TFEB: variants seen among roughly 807,000 people sequenced by gnomAD.
TFEB encodes the protein transcription factor EB.
Under a neutral mutation model 48.0 loss-of-function variants are expected in TFEB, and 12 were observed. The observed-to-expected ratio is 0.25, with a 90% CI of 0.16 to 0.40. The LOEUF is 0.40. Ranked by LOEUF, TFEB falls within the 10% of genes least tolerant of loss-of-function variation. TFEB has a pLI of 1.00. For synonymous variants in TFEB, 244 were observed against 261.4 expected (o/e 0.93, Z 0.64); for missense variants, 509 against 640.3 (o/e 0.79, Z 2.21).
chr6:41,714,632 C>T (rs920563716), intron 1 of TFEB, among the ~76,000 whole-genome samples: 1 of 152,196 alleles, frequency 6.6e-6, no homozygotes, highest in African/African-American at 2.4e-5. Flanking sequence ...CCCATATCAC[C>T]CCTCCCTCCT....
At chr6:41,702,204 T>C (rs1769968919) in intron 1 of TFEB, among the ~76,000 whole-genome samples, 1 of 152,074 alleles carries the variant, frequency 6.6e-6, no homozygotes, top group African/African-American at 2.4e-5. Context: ...GCCTGCATGC[T>C]CCTCAGCCCT....
At position 41,730,017 on chromosome 6, in the gene TFEB, G is replaced by A. The variant is rs114420157; in HGVS notation, c.-23+5333C>T. Among the ~76,000 whole-genome samples the A allele has an allele frequency of 7.6e-3, 1,151 of 152,262 alleles. 17 individuals are homozygous for A. Among genetic ancestry groups the A allele is most frequent in the African/African-American group, 0.026 (1,083 of 41,538 alleles). The stretch of plus-strand genomic sequence containing the variant: ...ACCACATGGAATTTGCAGAAACACC[G>A]GGAGGGGCCCAGCATCTGTGTTTAA... On this transcript the variant is annotated intron_variant, in intron 1 of 8. Coordinates refer to ENST00000373033, the MANE Select transcript of TFEB (RefSeq NM_001271944.2). The surrounding 1 kb of genome is among the most constrained non-coding windows in gnomAD (Gnocchi z 4.1).
chr6:41,726,500 T>C (rs1185753397), intron 1 of TFEB, among the ~76,000 whole-genome samples: 2 of 152,066 alleles, frequency 1.3e-5, no homozygotes, highest in East Asian at 3.9e-4. Flanking sequence ...CTGGAGTGCA[T>C]TGATACGATC....
At chr6:41,704,497 T>G (rs956363539) in intron 1 of TFEB, among the ~76,000 whole-genome samples, 4 of 152,278 alleles carry the variant, frequency 2.6e-5, no homozygotes, top group Middle Eastern at 6.8e-3. Context: ...CCTGCCTGGG[T>G]GACCACCAGC....
chr6:41,723,837 C>A lies in TFEB; in HGVS notation c.-23+11513G>T. On this transcript the variant is annotated intron_variant, in intron 1 of 8. Transcript: ENST00000373033. This position sits in a 1 kb window ranked among gnomAD's most constrained non-coding sequence, Gnocchi z 6.0. ...GACCCCAGCCTGACCTCAGAGGGCC[C>A]TAGGCAGATGGAGAGACACAGAGCA... 1 of 453,186 alleles carries A rather than the reference C, an allele frequency of 2.2e-6. No individual in the cohort carries two copies. The highest frequency in any genetic ancestry group is 2.0e-5 in the African/African-American group (1 of 50,148). 28.1% of individuals were successfully genotyped at this position (453,186 alleles called of 1,614,324 possible). A position where few individuals can be genotyped will look rare whatever the true frequency, so the allele number is the denominator to read the frequency against.
At chr6:41,732,454 T>C (rs1011060890) in intron 1 of TFEB, among the ~76,000 whole-genome samples, 22 of 152,234 alleles carry the variant, frequency 1.4e-4, no homozygotes, top group Non-Finnish European at 2.9e-5. Flanking sequence ...AATCTTATTA[T>C]AATATTGTTC....
In TFEB at chr6:41,730,985, C is replaced by T. The variant is rs1441497170; in HGVS notation, c.-23+4365G>A. Among the ~76,000 whole-genome samples, 2 of 152,186 alleles carry T rather than the reference C, an allele frequency of 1.3e-5. No homozygotes were observed. The highest frequency in any genetic ancestry group is 2.4e-5 in the African/African-American group (1 of 41,424). On this transcript the variant is annotated intron_variant, in intron 1 of 8. Coordinates refer to ENST00000373033, the MANE Select transcript of TFEB (RefSeq NM_001271944.2). This position sits in a 1 kb window ranked among gnomAD's most constrained non-coding sequence, Gnocchi z 4.1. Reference sequence around the variant, plus strand: ...CCACGTAAAGCATTACATCAGAGAACATTAGACACATGGAGAGGCCTGTTT... The same window carrying T: ...CCACGTAAAGCATTACATCAGAGAATATTAGACACATGGAGAGGCCTGTTT...
intron 1 of TFEB, among the ~76,000 whole-genome samples, chr6:41,705,458 G>A (rs954713584): frequency 6.6e-6 from 1 of 152,190 alleles, no homozygotes; most frequent in Admixed American, 6.5e-5. Flanking sequence ...AGGGTTCCCT[G>A]AGAGGCAGCC....
At chr6:41,698,651 C>T (rs1271048008) in intron 1 of TFEB, among the ~76,000 whole-genome samples, 1 of 152,210 alleles carries the variant, frequency 6.6e-6, no homozygotes, top group African/African-American at 2.4e-5. Flanking sequence ...CAGTCTGTTA[C>T]ACTCTCAGTC....
chr6:41,699,376 A>G (rs903658474), intron 1 of TFEB, among the ~76,000 whole-genome samples: 1 of 152,218 alleles, frequency 6.6e-6, no homozygotes, highest in Non-Finnish European at 1.5e-5. Flanking sequence ...ACATACACAC[A>G]TACACACCAT....
At chr6:41,731,931 C>T (rs1771467265) in intron 1 of TFEB, among the ~76,000 whole-genome samples, 1 of 152,214 alleles carries the variant, frequency 6.6e-6, no homozygotes, top group African/African-American at 2.4e-5. Flanking sequence ...CAGGTTCCAG[C>T]CGGAGGTCCT....
intron 1 of TFEB, among the ~76,000 whole-genome samples, chr6:41,718,491 G>C (rs979147797): frequency 6.6e-6 from 1 of 152,078 alleles, no homozygotes; most frequent in African/African-American, 2.4e-5. Context: ...TTACAAGCAT[G>C]AGCCACCACA....
intron 4 of TFEB, among the ~76,000 whole-genome samples, chr6:41,688,549 G>A (rs563227659): frequency 2.0e-5 from 3 of 152,112 alleles, no homozygotes; most frequent in Non-Finnish European, 4.4e-5. Context: ...GACTTGCAAA[G>A]ATACTGGAAT....
chr6:41,718,688 T>C (rs1345709457), intron 1 of TFEB, among the ~76,000 whole-genome samples: 5 of 151,754 alleles, frequency 3.3e-5, no homozygotes, highest in Non-Finnish European at 7.4e-5. Context: ...TTTTTTTTTT[T>C]CTTTGACTTA....
Position 41,723,598 on chromosome 6 carries a change from C to G in TFEB, c.-23+11752G>C. ...CCGGCGGCTGCTGTTTCTCACCCAG[C>G]CCCCTGCACCTCAGCTGGAGAGGAA... On this transcript the variant is annotated intron_variant, in intron 1 of 8. Transcript: ENST00000373033. The surrounding 1 kb of genome is among the most constrained non-coding windows in gnomAD (Gnocchi z 6.0). The G allele has an allele frequency of 8.4e-7, 1 of 1,184,548 alleles. No homozygotes were observed. The highest frequency in any genetic ancestry group is 1.4e-5 in the South Asian group (1 of 69,802). The allele number at this position is 1,184,548 out of a possible 1,614,324, so 73.4% of individuals were successfully genotyped here.
At chr6:41,715,254 A>T (rs1338307225) in intron 1 of TFEB, among the ~76,000 whole-genome samples, 1 of 152,132 alleles carries the variant, frequency 6.6e-6, no homozygotes, top group Non-Finnish European at 1.5e-5. Context: ...CAGCTTAGGG[A>T]GAGCTAGGAC....
rs1771421821 is a variant in TFEB, at chr6:41,730,865, G to A, written c.-23+4485C>T. Among the ~76,000 whole-genome samples the A allele has an allele frequency of 6.6e-6, 1 of 152,150 alleles. No homozygotes were observed. Among genetic ancestry groups the A allele is most frequent in the Admixed American group, 6.5e-5 (1 of 15,288 alleles). On this transcript the variant is annotated intron_variant, in intron 1 of 8. Coordinates refer to ENST00000373033, the MANE Select transcript of TFEB (RefSeq NM_001271944.2). This position sits in a 1 kb window ranked among gnomAD's most constrained non-coding sequence, Gnocchi z 4.1. ...GAAACCCAAGTGGCAGGGCAGGGGT[G>A]GTAGAGATGCCTCAGGCATTGCCAA...
chr6:41,696,591 G>A (rs1038329015), intron 1 of TFEB, among the ~76,000 whole-genome samples: 4 of 152,148 alleles, frequency 2.6e-5, no homozygotes, highest in Non-Finnish European at 4.4e-5. Context: ...CTACTCGGGA[G>A]GCTGAGACAG....
intron 1 of TFEB, among the ~76,000 whole-genome samples, chr6:41,717,275 G>A (rs553457726): frequency 6.6e-6 from 1 of 152,168 alleles, no homozygotes; most frequent in South Asian, 2.1e-4. Context: ...CATCAACTGT[G>A]GCCGGGGGAG....
Sources: allele counts gnomAD v4.1 joint callset (sites outside exome capture counted in the v4.1 genomes callset), GRCh38; gene constraint gnomAD v4.1.1; non-coding constraint Gnocchi (gnomAD v3.1); transcripts MANE v1.5; gene names NCBI Gene and HGNC (gene_info 2026-07-23, HGNC 2026-07-21).